The following TMEM120B variants were observed in gnomAD, a reference collection of about 807,000 sequenced individuals.
The protein encoded by TMEM120B is transmembrane protein 120B.
In TMEM120B, 31 loss-of-function variants were observed where a neutral mutation model predicts 55.5. That is an observed-to-expected ratio of 0.56 (90% confidence interval 0.42 to 0.75). The LOEUF (loss-of-function observed/expected upper bound fraction) is 0.75. Ranked by LOEUF, TMEM120B falls within the 30% of genes least tolerant of loss-of-function variation. The pLI is 0.00. For synonymous variants in TMEM120B, 203 were observed against 176.3 expected, an observed-to-expected ratio of 1.15 and a Z score of -1.20; for missense variants, 399 against 425.5, an observed-to-expected ratio of 0.94 and a Z score of 0.55.
intron 1 of TMEM120B, among the ~76,000 whole-genome samples, chr12:121,728,171 C>T (rs1033901957): frequency 1.5e-4 from 22 of 151,540 alleles, no homozygotes; most frequent in African/African-American, 4.6e-4. Flanking sequence ...GGACGCTTGG[C>T]GAATTTTTGT....
In TMEM120B at chr12:121,748,447, G is replaced by T. The variant is rs2137169865; in HGVS notation, c.305+5G>T. The T allele has an allele frequency of 6.2e-7, 1 of 1,601,006 alleles. No individual in the cohort carries two copies. Among genetic ancestry groups the T allele is most frequent in the South Asian group, 1.1e-5 (1 of 90,552 alleles). ...CTACCTGCCCAAGAAGAACGGGTAG[G>T]AGCTGGCAACCTCCCCACCCCTAGC... On this transcript the variant is annotated splice_donor_5th_base_variant and intron_variant, in intron 3 of 11. Transcript: ENST00000449592.
At chr12:121,757,058 C>G (rs978446131) in intron 5 of TMEM120B, among the ~76,000 whole-genome samples, 6 of 151,370 alleles carry the variant, frequency 4.0e-5, no homozygotes, top group African/African-American at 1.2e-4. Flanking sequence ...CTCAGAAGCA[C>G]AGCTCTGAGG....
chr12:121,779,633 A>C lies in TMEM120B; in HGVS notation c.*3911A>C, dbSNP rs1874372841. On this transcript the variant is annotated 3_prime_UTR_variant, in exon 12 of 12. Coordinates refer to ENST00000449592, the MANE Select transcript of TMEM120B (RefSeq NM_001080825.2). ...TGGCGGAACATTCCAGGTAGAGAGC[A>C]GCTCGGATCTGTTCGCAGGCGCTCA... 1 of 1,614,126 alleles carries C rather than the reference A, an allele frequency of 6.2e-7. No homozygotes were observed. Among genetic ancestry groups the C allele is most frequent in the South Asian group, 1.1e-5 (1 of 91,090 alleles).
At chr12:121,759,168 C>T (rs1873587373) in intron 5 of TMEM120B, among the ~76,000 whole-genome samples, 2 of 150,278 alleles carry the variant, frequency 1.3e-5, no homozygotes, top group South Asian at 2.1e-4. Context: ...TCCCCTCGGC[C>T]TCCCAAAGTG....
chr12:121,780,675 C>T lies in TMEM120B; in HGVS notation c.*4953C>T, dbSNP rs902023341. Reference sequence around the variant, plus strand: ...GGGGGATGTGAACAGCGCCTGCCTCCGAGTCCTAAGGATTGGGAGTAGTCG... The same window carrying T: ...GGGGGATGTGAACAGCGCCTGCCTCTGAGTCCTAAGGATTGGGAGTAGTCG... On this transcript the variant is annotated 3_prime_UTR_variant, in exon 12 of 12. Transcript: ENST00000449592. 2.8e-5 allele frequency: 18 copies of T among 639,368 alleles called. No homozygotes were observed. Among genetic ancestry groups the T allele is most frequent in the Non-Finnish European group, 3.4e-5 (13 of 379,782 alleles). 39.6% of individuals were successfully genotyped at this position (639,368 alleles called of 1,614,324 possible).
chr12:121,736,165 T>TTTTATTTATTTA (rs35399975), intron 1 of TMEM120B, among the ~76,000 whole-genome samples: 2 of 149,648 alleles, frequency 1.3e-5, no homozygotes, highest in East Asian at 2.0e-4. Context: ...CTGTTGCACA[T>TTTTATTTATTTA]TTTATTTATT....
At chr12:121,736,795 T>A (rs564539129) in intron 1 of TMEM120B, among the ~76,000 whole-genome samples, 9 of 152,290 alleles carry the variant, frequency 5.9e-5, no homozygotes, top group African/African-American at 2.2e-4. Flanking sequence ...TCTGCCCACT[T>A]TGGCCTCCCA....
In TMEM120B at chr12:121,752,124, G is replaced by A. The variant is rs199718603; in HGVS notation, c.366-4G>A. On this transcript the variant is annotated splice_region_variant and splice_polypyrimidine_tract_variant and intron_variant, in intron 4 of 11. Transcript: ENST00000449592. ...CACACCCCTGGGCGTGTCTGTCGTGGCAGGTTCGCCTACAAGGACGAATAT... is the reference window on the plus strand; with the variant it reads ...CACACCCCTGGGCGTGTCTGTCGTGACAGGTTCGCCTACAAGGACGAATAT... The A allele has an allele frequency of 4.3e-6, 7 of 1,612,912 alleles. No individual in the cohort carries two copies. The highest frequency in any genetic ancestry group is 4.2e-6 in the Non-Finnish European group (5 of 1,179,512).
At chr12:121,736,456 C>T (rs1489287308) in intron 1 of TMEM120B, among the ~76,000 whole-genome samples, 3 of 151,242 alleles carry the variant, frequency 2.0e-5, no homozygotes, top group Non-Finnish European at 2.9e-5. Context: ...GCGTGAGCCA[C>T]CGTGCCCGGC....
intron 9 of TMEM120B, 89 bp downstream of exon 9, chr12:121,773,602 A>G: frequency 4.9e-6 from 5 of 1,010,230 alleles, no homozygotes; most frequent in Non-Finnish European, 2.8e-6. Flanking sequence ...AGCACCTCCC[A>G]TACAGCGGAG....
intron 5 of TMEM120B, 122 bp from the exon 6 acceptor site, chr12:121,761,526 TC>T: frequency 1.5e-6 from 1 of 675,606 alleles, no homozygotes; most frequent in South Asian, 1.8e-5. Flanking sequence ...CATAAGGGCT[TC>T]CAGAGGCAGC....
At chr12:121,739,137 A>G (rs1167386629) in intron 1 of TMEM120B, among the ~76,000 whole-genome samples, 1 of 152,206 alleles carries the variant, frequency 6.6e-6, no homozygotes, top group Non-Finnish European at 1.5e-5. Context: ...CAGTGAGCCA[A>G]GATCGCACCA....
rs1428040869 is a variant in TMEM120B at position 121,778,814 on chromosome 12, G to A, written c.*3092G>A. On this transcript the variant is annotated 3_prime_UTR_variant, in exon 12 of 12. Transcript: ENST00000449592. ...AAGTCTCTGACACTGGGGGCTTTGG[G>A]TGAAACCTTAAGGAGATGGTCAGAT... is the stretch of plus-strand genomic sequence containing the variant. 6.6e-6 allele frequency: 1 copy of A among 152,314 alleles called. No individual in the cohort carries two copies. The highest frequency in any genetic ancestry group is 1.5e-5 in the Non-Finnish European group (1 of 68,134). 9.4% of individuals were successfully genotyped at this position (152,314 alleles called of 1,614,324 possible).
At chr12:121,763,009 CTGT>C (rs1020092284) in intron 6 of TMEM120B, among the ~76,000 whole-genome samples, 3 of 152,214 alleles carry the variant, frequency 2.0e-5, no homozygotes, top group South Asian at 4.2e-4. Context: ...GCGAGAAGCC[CTGT>C]TGTTTTCTCT....
At chr12:121,762,227 CGCACCATT>C (rs935772048) in intron 6 of TMEM120B, among the ~76,000 whole-genome samples, 2 of 150,686 alleles carry the variant, frequency 1.3e-5, no homozygotes, top group African/African-American at 4.9e-5. Context: ...GAGCTGAGAT[CGCACCATT>C]GCACTCCAGC....
intron 1 of TMEM120B, among the ~76,000 whole-genome samples, chr12:121,713,865 G>A (rs1894646188): frequency 6.6e-6 from 1 of 152,138 alleles, no homozygotes; most frequent in Non-Finnish European, 1.5e-5. Flanking sequence ...TCGGGGGGTT[G>A]GCTTTGCCTG....
chr12:121,732,009 C>T (rs1335277734), intron 1 of TMEM120B, among the ~76,000 whole-genome samples: 2 of 152,052 alleles, frequency 1.3e-5, no homozygotes, highest in South Asian at 2.1e-4. Flanking sequence ...TGGTGGCGGG[C>T]GCCTGTAGCC....
intron 5 of TMEM120B, among the ~76,000 whole-genome samples, chr12:121,753,706 TA>T (rs113442097): frequency 0.089 from 13,164 of 147,444 alleles, 1,024 homozygotes; most frequent in African/African-American, 0.21. Context: ...CAATTATATT[TA>T]AAAAAAAAAA....
intron 3 of TMEM120B, among the ~76,000 whole-genome samples, chr12:121,749,690 A>G (rs1873212799): frequency 6.6e-6 from 1 of 151,766 alleles, no homozygotes; most frequent in South Asian, 2.1e-4. Flanking sequence ...TGGATCACTT[A>G]AGGTTAGGAG....
Sources: gnomAD v4.1 joint callset for allele counts (sites outside exome capture counted in the v4.1 genomes callset) on GRCh38, gnomAD v4.1.1 for gene constraint, MANE v1.5 for transcripts, NCBI Gene and HGNC (gene_info 2026-07-23, HGNC 2026-07-21) for gene names.